DNAH8: variants seen among roughly 807,000 people sequenced by gnomAD.
The protein encoded by DNAH8 is dynein axonemal heavy chain 8.
A neutral mutation model predicts 562.1 loss-of-function variants in DNAH8; 382 were observed. That is an observed-to-expected ratio of 0.68 (90% CI 0.63 to 0.74). The LOEUF is 0.74. Among genes scored for constraint, DNAH8 ranks in the 30% least tolerant of loss-of-function variants. The probability of loss-of-function intolerance (pLI) is 0.00; values close to 1 mark genes in which losing one functional copy is unlikely to be tolerated. For synonymous variants in DNAH8, 1,881 were observed against 1,919.4 expected (o/e 0.98, Z 0.52); for missense variants, 5,203 against 5,620.4 (o/e 0.93, Z 2.37).
At chr6:38,802,251 G>A (rs1738232) in intron 21 of DNAH8, among the ~76,000 whole-genome samples, 2 of 150,986 alleles carry the variant, frequency 1.3e-5, no homozygotes, top group African/African-American at 4.9e-5. Context: ...TTACTTTTAC[G>A]TTTTTTTTTT....
At chr6:38,807,765 G>A (rs766349173) in intron 24 of DNAH8, 49 bp downstream of exon 24, 7 of 924,838 alleles carry the variant, frequency 7.6e-6, no homozygotes, top group African/African-American at 6.9e-5. Context: ...CTTATAATGT[G>A]AATAGCACCT....
rs1414853287 is a variant in DNAH8 at position 38,868,177 on chromosome 6, A to G, written c.6809A>G (p.Asp2270Gly). Residue 2270 changes from aspartate to glycine, a missense_variant, in exon 48 of 93, where the codon GAT becomes GGT. Around this residue, in one of 6 missense-constraint regions of DNAH8, gnomAD observed 2,176 missense variants for 2,365.1 expected, o/e 0.92. Coordinates refer to ENST00000327475, the MANE Select transcript of DNAH8 (RefSeq NM_001206927.2). The stretch of plus-strand genomic sequence containing the variant: ...AGCATTGTCATGAGAGGACTAAGAG[A>G]TATGAACCTTTCCAAACTGGTATCT... ...ELSIVMRGLR[D>G]MNLSKLVDED... The G allele has an allele frequency of 6.2e-7, 1 of 1,608,406 alleles. No individual in the cohort carries two copies. Among genetic ancestry groups the G allele is most frequent in the Admixed American group, 1.7e-5 (1 of 58,430 alleles).
intron 77 of DNAH8, 84 bp from the exon 78 acceptor site, chr6:38,937,890 C>T (rs1456966498): frequency 8.5e-6 from 11 of 1,298,214 alleles, no homozygotes; most frequent in Middle Eastern, 2.1e-4. Flanking sequence ...AAGCTAACAG[C>T]GTTTTTTTTT....
Position 38,880,655 on chromosome 6 carries a change from C to G in DNAH8, c.7859-2255C>G, listed in dbSNP as rs1324246331. On this transcript the variant is annotated intron_variant, in intron 53 of 92. Transcript: ENST00000327475. ...GGAGGAAATTTCAGTTGATACTTTGCTAAATAAGATAAGTGAAAGGTGAAA... is the reference window on the plus strand; with the variant it reads ...GGAGGAAATTTCAGTTGATACTTTGGTAAATAAGATAAGTGAAAGGTGAAA... 3.3e-5 allele frequency among the ~76,000 whole-genome samples: 5 copies of G among 152,116 alleles called. No individual in the cohort carries two copies. In the East Asian group the frequency reaches 9.6e-4, roughly 29 times the overall value.
At chr6:38,895,108 G>A (rs1779591423) in intron 59 of DNAH8, among the ~76,000 whole-genome samples, 2 of 151,694 alleles carry the variant, frequency 1.3e-5, no homozygotes, top group Admixed American at 6.6e-5. Context: ...TGTTGTTGTT[G>A]TTGTATTTTT....
intron 29 of DNAH8, among the ~76,000 whole-genome samples, chr6:38,827,108 C>A (rs1167963993): frequency 6.6e-6 from 1 of 152,028 alleles, no homozygotes; most frequent in African/African-American, 2.4e-5. Context: ...TGGTTGGTTC[C>A]CTTCTAGTGA....
intron 7 of DNAH8, among the ~76,000 whole-genome samples, chr6:38,740,977 T>C (rs956464797): frequency 3.3e-5 from 5 of 152,208 alleles, no homozygotes; most frequent in Non-Finnish European, 7.3e-5. Flanking sequence ...TTTTTGGTTT[T>C]TTATTTCCAA....
chr6:38,909,967 C>G (rs1375203131), intron 65 of DNAH8, among the ~76,000 whole-genome samples: 1 of 152,202 alleles, frequency 6.6e-6, no homozygotes, highest in African/African-American at 2.4e-5. Context: ...TTTTTATCCT[C>G]CAAGCCTCAG....
chr6:38,775,898 A>G lies in DNAH8; in HGVS notation c.1909A>G (p.Thr637Ala). ...KQYDILDPRR[T>A]EFDTDFLDFM... is the part of the protein sequence containing the mutation. Reference sequence around the variant, plus strand: ...ATATGACATTCTGGATCCAAGAAGGACAGAATTTGACACAGATTTCTTAGA... The same window carrying G: ...ATATGACATTCTGGATCCAAGAAGGGCAGAATTTGACACAGATTTCTTAGA... Residue 637 changes from threonine to alanine, a missense_variant, in exon 13 of 93, where the codon ACA (threonine) becomes GCA (alanine). This residue lies in a region of DNAH8 where 2,176 missense variants were observed against 2,365.1 expected (regional missense o/e 0.92). Coordinates refer to ENST00000327475, the MANE Select transcript of DNAH8 (RefSeq NM_001206927.2). The G allele has an allele frequency of 6.2e-7, 1 of 1,613,146 alleles. No individual in the cohort carries two copies. The highest frequency in any genetic ancestry group is 8.5e-7 in the Non-Finnish European group (1 of 1,179,276).
In DNAH8 at chr6:38,795,265, C is replaced by T. The variant is rs537789387; in HGVS notation, c.2901+3591C>T. 2.0e-5 allele frequency among the ~76,000 whole-genome samples: 3 copies of T among 152,284 alleles called. No individual in the cohort carries two copies. In the East Asian group the frequency reaches 5.8e-4, roughly 29 times the overall value. ...TCTCTACCAATTATACAGTAATTCT[C>T]CAGTGGTAGTGCTAAGACTCAAGAG... On this transcript the variant is annotated intron_variant, in intron 21 of 92. Coordinates refer to ENST00000327475, the MANE Select transcript of DNAH8 (RefSeq NM_001206927.2).
chr6:38,890,829 G>A lies in DNAH8; in HGVS notation c.8583+68G>A. 4.6e-6 allele frequency: 5 copies of A among 1,085,102 alleles called. No individual in the cohort carries two copies. The South Asian group carries it at 6.4e-5, about 14-fold the overall frequency. The allele number at this position is 1,085,102 out of a possible 1,614,324, so 67.2% of individuals were successfully genotyped here. ...ATTCAGCCCTAGATCACACCTCGTG[G>A]CTCATTAAGTTATCATAATATCATA... On this transcript the variant is annotated intron_variant, in intron 58 of 92. Coordinates refer to ENST00000327475, the MANE Select transcript of DNAH8 (RefSeq NM_001206927.2).
In DNAH8 at chr6:38,929,497, T is replaced by G. The variant is rs1426819079; in HGVS notation, c.11119-14T>G. 1.3e-5 allele frequency: 21 copies of G among 1,600,842 alleles called. No individual in the cohort carries two copies. Among genetic ancestry groups the G allele is most frequent in the Non-Finnish European group, 1.6e-5 (19 of 1,173,854 alleles). On this transcript the variant is annotated splice_polypyrimidine_tract_variant and intron_variant, in intron 74 of 92. Coordinates refer to ENST00000327475, the MANE Select transcript of DNAH8 (RefSeq NM_001206927.2). ...TTTGTAACACAGATAGACCAATGAGTTCTTTCTGTTTAGGTGACATCTCTG... is the reference window on the plus strand; with the variant it reads ...TTTGTAACACAGATAGACCAATGAGGTCTTTCTGTTTAGGTGACATCTCTG...
chr6:38,830,906 AT>A (rs1013358002), intron 30 of DNAH8, among the ~76,000 whole-genome samples: 12 of 152,274 alleles, frequency 7.9e-5, no homozygotes, highest in Non-Finnish European at 1.6e-4. Flanking sequence ...TCTTGGGGTC[AT>A]TTAGGAAGGA....
chr6:39,025,236 C>T (rs752052265), intron 91 of DNAH8, among the ~76,000 whole-genome samples: 8 of 152,336 alleles, frequency 5.3e-5, no homozygotes, highest in Non-Finnish European at 1.2e-4. Flanking sequence ...TCTTCCACTT[C>T]ATCTTCTCAA....
chr6:38,910,948 G>C (rs1455298426), intron 65 of DNAH8, among the ~76,000 whole-genome samples: 2 of 152,150 alleles, frequency 1.3e-5, no homozygotes, highest in African/African-American at 4.8e-5. Context: ...AATCGAGTGT[G>C]GTTGCCTTGA....
At chr6:38,885,566 A>G (rs1778855632) in intron 56 of DNAH8, among the ~76,000 whole-genome samples, 1 of 152,064 alleles carries the variant, frequency 6.6e-6, no homozygotes, top group Admixed American at 6.5e-5. Context: ...AATCCTTACC[A>G]TGATCCAAGA....
At chr6:38,719,279 A>G (rs1384677867) in intron 1 of DNAH8, among the ~76,000 whole-genome samples, 1 of 152,180 alleles carries the variant, frequency 6.6e-6, no homozygotes, top group Non-Finnish European at 1.5e-5. Flanking sequence ...AAGATTTCTT[A>G]CAAAGGTTTA....
intron 7 of DNAH8, among the ~76,000 whole-genome samples, chr6:38,739,416 CTTTA>C (rs1423135152): frequency 2.6e-5 from 4 of 152,124 alleles, no homozygotes; most frequent in Non-Finnish European, 4.4e-5. Context: ...CTCTTAAATT[CTTTA>C]TTTATTTTAA....
At chr6:38,783,379 A>G (rs1335696090) in intron 17 of DNAH8, among the ~76,000 whole-genome samples, 2 of 152,222 alleles carry the variant, frequency 1.3e-5, no homozygotes, top group Admixed American at 1.3e-4. Flanking sequence ...ACCAAAAACC[A>G]GTATTTGAAA....
Sources: allele counts gnomAD v4.1 joint callset (sites outside exome capture counted in the v4.1 genomes callset), GRCh38; gene constraint gnomAD v4.1.1; regional missense constraint gnomAD v4.1.1; transcripts MANE v1.5; gene names NCBI Gene and HGNC (gene_info 2026-07-23, HGNC 2026-07-21).